Variants in SLCO6A1 observed in about 807,000 individuals in gnomAD.
SLCO6A1 encodes cancer/testis antigen 48.
Under a neutral mutation model 72.7 loss-of-function variants are expected in SLCO6A1, and 65 were observed. The ratio of observed to expected loss-of-function variants is 0.89; its 90% CI spans 0.73 to 1.10. The LOEUF is 1.10. Ranked by LOEUF, SLCO6A1 falls within the 50% of genes least tolerant of loss-of-function variation. SLCO6A1 has a pLI of 0.00. For missense variants in SLCO6A1, 874 were observed against 872.6 expected, an observed-to-expected ratio of 1.00 and a Z score of -0.02; for synonymous variants, 314 against 298.2, an observed-to-expected ratio of 1.05 and a Z score of -0.55.
intron 10 of SLCO6A1, among the ~76,000 whole-genome samples, chr5:102,392,441 ATTTTC>A (rs1273489968): frequency 6.6e-6 from 1 of 151,922 alleles, no homozygotes; most frequent in Non-Finnish European, 1.5e-5. Context: ...AGCATAAGTA[ATTTTC>A]TTTTATGTCA....
intron 9 of SLCO6A1, among the ~76,000 whole-genome samples, chr5:102,400,722 C>A (rs1747351297): frequency 6.6e-6 from 1 of 151,998 alleles, no homozygotes; most frequent in South Asian, 2.1e-4. Context: ...TTAAACATAA[C>A]TTGAATCTGG....
chr5:102,392,685 G>A lies in SLCO6A1; in HGVS notation c.1815-1640C>T, dbSNP rs531062198. On this transcript the variant is annotated intron_variant, in intron 10 of 13. Transcript: ENST00000506729. ...ACTAAGATTTTAATGAAAAACTACT[G>A]TGCTTTAACAAAAAAGCATTAACAT... is the stretch of plus-strand genomic sequence containing the variant. Among the ~76,000 whole-genome samples the A allele has an allele frequency of 3.7e-4, 56 of 151,904 alleles. No homozygotes were observed. In the South Asian group the frequency reaches 5.2e-3, roughly 14 times the overall value.
chr5:102,455,025 T>TACAC (rs1561475593), intron 6 of SLCO6A1, among the ~76,000 whole-genome samples: 12 of 117,600 alleles, frequency 1.0e-4, no homozygotes, highest in South Asian at 2.8e-4. Flanking sequence ...TATATATATA[T>TACAC]ATAAATTATG....
intron 7 of SLCO6A1, among the ~76,000 whole-genome samples, chr5:102,432,505 G>T (rs1337615372): frequency 1.3e-5 from 2 of 152,074 alleles, no homozygotes; most frequent in African/African-American, 4.8e-5. Context: ...GCTTAGTTTG[G>T]CTGGCTATGA....
intron 6 of SLCO6A1, among the ~76,000 whole-genome samples, chr5:102,456,343 A>G (rs949910251): frequency 4.6e-5 from 7 of 152,186 alleles, no homozygotes; most frequent in Admixed American, 4.6e-4. Context: ...ACATGATTGT[A>G]TATCTAGAAA....
intron 12 of SLCO6A1, among the ~76,000 whole-genome samples, chr5:102,377,637 A>T (rs1345433721): frequency 1.3e-5 from 2 of 151,798 alleles, no homozygotes; most frequent in Admixed American, 6.6e-5. Flanking sequence ...TGTTTGATAT[A>T]TATATATATC....
chr5:102,477,235 C>T (rs1398254862), intron 3 of SLCO6A1, among the ~76,000 whole-genome samples: 3 of 152,080 alleles, frequency 2.0e-5, no homozygotes, highest in Admixed American at 6.6e-5. Context: ...AAGTCTCCTG[C>T]CTCAGCCTCC....
At chr5:102,439,600 C>T (rs554326595) in intron 6 of SLCO6A1, among the ~76,000 whole-genome samples, 1 of 152,184 alleles carries the variant, frequency 6.6e-6, no homozygotes, top group South Asian at 2.1e-4. Flanking sequence ...TTTATTCATT[C>T]CCATAATATT....
chr5:102,408,382 G>A (rs1353354071), intron 9 of SLCO6A1, among the ~76,000 whole-genome samples: 1 of 151,880 alleles, frequency 6.6e-6, no homozygotes, highest in East Asian at 1.9e-4. Context: ...CAAAAATACA[G>A]GAAAGAGAGA....
intron 7 of SLCO6A1, among the ~76,000 whole-genome samples, chr5:102,421,562 C>T (rs1748607203): frequency 6.6e-6 from 1 of 152,130 alleles, no homozygotes; most frequent in Admixed American, 6.5e-5. Context: ...AGCCAGACTG[C>T]CTCTCTTGAT....
chr5:102,475,278 C>G (rs1316348144), intron 4 of SLCO6A1, among the ~76,000 whole-genome samples: 1 of 151,914 alleles, frequency 6.6e-6, no homozygotes, highest in Admixed American at 6.6e-5. Flanking sequence ...GAAGGATATC[C>G]TGTTATATGC....
At position 102,391,020 on chromosome 5, in the gene SLCO6A1, G is replaced by A; in HGVS notation, c.1840C>T (p.Leu614=). 1.2e-6 allele frequency: 2 copies of A among 1,613,582 alleles called. No individual in the cohort carries two copies. The highest frequency in any genetic ancestry group is 1.7e-6 in the Non-Finnish European group (2 of 1,179,640). ...ATCACATAGCTTACACCCAAGGCCA[G>A]AGAACGCAGTTTGTCAGGTACAACC... ...TRVVPDKLRS[L]ALGVSYVILR... is the part of the protein sequence containing the mutation. The change falls in exon 11 of 14, where the codon CTG becomes TTG. Residue 614 remains leucine (L), a synonymous_variant. Coordinates refer to ENST00000506729, the MANE Select transcript of SLCO6A1 (RefSeq NM_173488.5).
chr5:102,411,509 C>T (rs1267797520), intron 9 of SLCO6A1, among the ~76,000 whole-genome samples: 2 of 152,236 alleles, frequency 1.3e-5, no homozygotes, highest in African/African-American at 2.4e-5. Context: ...AAGTGATCCA[C>T]CCTTTTAGGC....
At chr5:102,381,023 T>C (rs1361573405) in intron 12 of SLCO6A1, among the ~76,000 whole-genome samples, 1 of 151,938 alleles carries the variant, frequency 6.6e-6, no homozygotes, top group Non-Finnish European at 1.5e-5. Context: ...GACTATACAC[T>C]TTAAAATGAT....
At chr5:102,423,999 T>G (rs1035370697) in intron 7 of SLCO6A1, among the ~76,000 whole-genome samples, 1 of 152,188 alleles carries the variant, frequency 6.6e-6, no homozygotes, top group Admixed American at 6.5e-5. Context: ...ACATTGAAAC[T>G]GAACAACTTG....
At chr5:102,498,180 G>A (rs1752992016) in intron 1 of SLCO6A1, among the ~76,000 whole-genome samples, 1 of 151,352 alleles carries the variant, frequency 6.6e-6, no homozygotes. Context: ...ATGCTGGAGA[G>A]ACTGATTTGA....
chr5:102,438,584 A>C lies in SLCO6A1; in HGVS notation c.1276+33T>G, dbSNP rs1348178887. The C allele has an allele frequency of 4.5e-6, 7 of 1,559,456 alleles. No homozygotes were observed. In the South Asian group the frequency reaches 7.5e-5, roughly 17 times the overall value. The stretch of plus-strand genomic sequence containing the variant: ...AGTACATACAATAAGACAGTGCAAA[A>C]TTTTTGAAATGACAATAAGAAGGTA... On this transcript the variant is annotated intron_variant, in intron 7 of 13. Transcript: ENST00000506729.
intron 1 of SLCO6A1, among the ~76,000 whole-genome samples, chr5:102,481,331 C>G (rs538458807): frequency 8.5e-5 from 13 of 152,256 alleles, no homozygotes; most frequent in Admixed American, 2.6e-4. Context: ...CCCATGGGCT[C>G]TATAGTGCTG....
At chr5:102,451,733 T>G (rs1750428674) in intron 6 of SLCO6A1, among the ~76,000 whole-genome samples, 1 of 152,196 alleles carries the variant, frequency 6.6e-6, no homozygotes, top group Admixed American at 6.5e-5. Context: ...CAGTCTTCCC[T>G]CTTCTCCATG....
Sources: allele counts gnomAD v4.1 joint callset (sites outside exome capture counted in the v4.1 genomes callset), GRCh38; gene constraint gnomAD v4.1.1; transcripts MANE v1.5; gene names NCBI Gene and HGNC (gene_info 2026-07-23, HGNC 2026-07-21).